Variants in NLGN1 observed in about 807,000 individuals in gnomAD.
NLGN1 encodes the protein neuroligin-1.
In NLGN1, 12 loss-of-function variants were observed where a neutral mutation model predicts 65.5. The observed-to-expected ratio is 0.18, with a 90% CI of 0.12 to 0.30. The LOEUF is 0.30. Among genes scored for constraint, NLGN1 ranks in the 10% least tolerant of loss-of-function variants. The probability of loss-of-function intolerance (pLI) is 1.00; values close to 1 mark genes in which losing one functional copy is unlikely to be tolerated. For missense variants in NLGN1, 750 were observed against 1,007.1 expected (o/e 0.74, Z 3.46); for synonymous variants, 350 against 359.5 (o/e 0.97, Z 0.30).
At chr3:174,026,392 T>C (rs936545912) in intron 4 of NLGN1, among the ~76,000 whole-genome samples, 2 of 152,160 alleles carry the variant, frequency 1.3e-5, no homozygotes, top group Non-Finnish European at 2.9e-5. Flanking sequence ...TCCCAAAGTT[T>C]TGGGCTTACA....
At chr3:174,103,150 A>C (rs2152580007) in intron 4 of NLGN1, among the ~76,000 whole-genome samples, 1 of 152,296 alleles carries the variant, frequency 6.6e-6, no homozygotes, top group African/African-American at 2.4e-5. Flanking sequence ...TTTTTGCATT[A>C]GAAGTCATAG....
chr3:173,966,839 G>A (rs1486119178), intron 4 of NLGN1, among the ~76,000 whole-genome samples: 2 of 152,154 alleles, frequency 1.3e-5, no homozygotes, highest in Non-Finnish European at 2.9e-5. Flanking sequence ...TGCTGAACCA[G>A]GATGTATTTT....
chr3:174,086,274 T>G (rs2152558714), intron 4 of NLGN1, among the ~76,000 whole-genome samples: 1 of 149,156 alleles, frequency 6.7e-6, no homozygotes, highest in Non-Finnish European at 1.5e-5. Context: ...TATATTTATG[T>G]ATGTGCATAA....
Position 173,777,038 on chromosome 3 carries a change from A to G in NLGN1, c.494-30642A>G, listed in dbSNP as rs75272606. On this transcript the variant is annotated intron_variant, in intron 3 of 6. Coordinates refer to ENST00000457714, the Ensembl canonical transcript of NLGN1. ...AAGAGTGATTAAAATCTCAAGCTCT[A>G]TAATAACTGCTTTAAATTCAAATTT... Among the ~76,000 whole-genome samples the G allele has an allele frequency of 4.9e-3, 742 of 152,080 alleles. 4 individuals carry two copies. Among genetic ancestry groups the G allele is most frequent in the Middle Eastern group, 0.01 (3 of 294 alleles).
chr3:173,918,696 G>GTA (rs1741294550), intron 4 of NLGN1, among the ~76,000 whole-genome samples: 1 of 134,720 alleles, frequency 7.4e-6, no homozygotes, highest in African/African-American at 2.9e-5. Flanking sequence ...GTGTGTGTGT[G>GTA]TGTGTGTATA....
chr3:173,677,588 C>T (rs1363205704), intron 3 of NLGN1, among the ~76,000 whole-genome samples: 2 of 151,916 alleles, frequency 1.3e-5, no homozygotes, highest in African/African-American at 4.8e-5. Context: ...CAAAGACTAC[C>T]ATATAGATTT....
At chr3:174,093,482 TATTTTAGAGAACAA>T (rs1224323377) in intron 4 of NLGN1, among the ~76,000 whole-genome samples, 1 of 152,206 alleles carries the variant, frequency 6.6e-6, no homozygotes, top group African/African-American at 2.4e-5. Context: ...CATCTCAGTA[TATTTTAGAGAACAA>T]ATTAAAACAG....
chr3:173,493,555 A>C (rs1026274193), intron 2 of NLGN1, among the ~76,000 whole-genome samples: 1 of 151,866 alleles, frequency 6.6e-6, no homozygotes, highest in Non-Finnish European at 1.5e-5. Context: ...AGTGTTTACC[A>C]TGTGCTGGGT....
intron 4 of NLGN1, among the ~76,000 whole-genome samples, chr3:173,966,326 C>G (rs146691456): frequency 1.1e-4 from 16 of 152,138 alleles, no homozygotes; most frequent in Non-Finnish European, 2.4e-4. Context: ...TGTGACTAAT[C>G]TAAAGATGCC....
At chr3:173,963,362 T>G (rs1307606842) in intron 4 of NLGN1, among the ~76,000 whole-genome samples, 1 of 152,136 alleles carries the variant, frequency 6.6e-6, no homozygotes, top group African/African-American at 2.4e-5. Context: ...TCAGATGACA[T>G]GGAAAGATGG....
At chr3:173,650,047 G>A (rs750285061) in intron 3 of NLGN1, among the ~76,000 whole-genome samples, 11 of 151,586 alleles carry the variant, frequency 7.3e-5, no homozygotes, top group South Asian at 2.1e-4. Flanking sequence ...ATGTATATAC[G>A]TGTATGTATG....
chr3:173,448,742 C>T (rs1311930409), intron 2 of NLGN1, among the ~76,000 whole-genome samples: 1 of 152,064 alleles, frequency 6.6e-6, no homozygotes, highest in Non-Finnish European at 1.5e-5. Context: ...ATTTCAGAGC[C>T]TGTTATTGGT....
chr3:173,850,003 TAC>T (rs1726585388), intron 4 of NLGN1, among the ~76,000 whole-genome samples: 1 of 152,152 alleles, frequency 6.6e-6, no homozygotes, highest in African/African-American at 2.4e-5. Flanking sequence ...ATTACATATA[TAC>T]ACATGATTTC....
chr3:173,708,668 C>T (rs1305117051), intron 3 of NLGN1, among the ~76,000 whole-genome samples: 1 of 152,090 alleles, frequency 6.6e-6, no homozygotes, highest in Non-Finnish European at 1.5e-5. Context: ...TCCTTGTCCC[C>T]TGAGGAGAAA....
chr3:173,624,573 A>G (rs1577598223), intron 3 of NLGN1, among the ~76,000 whole-genome samples: 1 of 152,124 alleles, frequency 6.6e-6, no homozygotes, highest in Non-Finnish European at 1.5e-5. Context: ...GATTTAGAAT[A>G]CAAATTTAAA....
At chr3:174,150,147 A>G (rs1724052759) in intron 4 of NLGN1, among the ~76,000 whole-genome samples, 1 of 152,166 alleles carries the variant, frequency 6.6e-6, no homozygotes. Context: ...TGGACAATAT[A>G]TAGCTATTCA....
intron 3 of NLGN1, among the ~76,000 whole-genome samples, chr3:173,795,951 A>G (rs1713967023): frequency 6.6e-6 from 1 of 152,136 alleles, no homozygotes; most frequent in Non-Finnish European, 1.5e-5. Flanking sequence ...GTCAATAGCC[A>G]GGGCTTTCCA....
At chr3:174,185,048 ACTGCACAGC>A (rs11276519) in intron 4 of NLGN1, among the ~76,000 whole-genome samples, 109,104 of 151,096 alleles carry the variant, frequency 0.72, 39,536 homozygotes, top group Admixed American at 0.76. Context: ...TAGAGCTGCA[ACTGCACAGC>A]CTGCACAGTA....
At position 173,539,747 on chromosome 3, in the gene NLGN1, TATATAAC is replaced by T. The variant is rs933799451; in HGVS notation, c.-320-64526_-320-64520del. 9.8e-5 allele frequency among the ~76,000 whole-genome samples: 14 copies of T among 142,752 alleles called. No individual in the cohort carries two copies. The Admixed American group carries it at 1.0e-3, about 10-fold the overall frequency. 93.7% of individuals were successfully genotyped at this position (142,752 alleles called of 152,430 possible). A position where few individuals can be genotyped will look rare whatever the true frequency, so the allele number is the denominator to read the frequency against. ...ATGCACATATATACATATATGTACA[TATATAAC>T]ATATACATGTACATATATAACACAT... On this transcript the variant is annotated intron_variant, in intron 2 of 6. Coordinates refer to ENST00000457714, the Ensembl canonical transcript of NLGN1.
Sources: allele counts gnomAD v4.1 joint callset (sites outside exome capture counted in the v4.1 genomes callset), GRCh38; gene constraint gnomAD v4.1.1; transcripts MANE v1.5; gene names NCBI Gene and HGNC (gene_info 2026-07-23, HGNC 2026-07-21).